NHSL3: variants seen among roughly 807,000 people sequenced by gnomAD.
NHSL3 encodes NHS-like protein 3.
chr1:32,769,748 CTG>C, the NHSL3 span: 2 of 1,613,656 alleles, frequency 1.2e-6, no homozygotes. Context: ...CGGCGGAGCA[CTG>C]TGCTGGGACT....
At chr1:32,758,040 G>A in the NHSL3 span, among the ~76,000 whole-genome samples, 8 of 152,294 alleles carry the variant, frequency 5.3e-5, no homozygotes, top group Admixed American at 1.3e-4. Flanking sequence ...TCAAGGAAGC[G>A]TTGATCCCGC....
chr1:32,768,105 C>T, the NHSL3 span: 1 of 1,604,142 alleles, frequency 6.2e-7, no homozygotes. Context: ...ATGGAGACAC[C>T]CAGAGTATCC....
chr1:32,765,720 T>C, the NHSL3 span: 1 of 1,544,936 alleles, frequency 6.5e-7, no homozygotes, highest in Non-Finnish European at 8.7e-7. Flanking sequence ...CGCGCTCTGC[T>C]CTGGAGAGGC....
the NHSL3 span, among the ~76,000 whole-genome samples, chr1:32,753,375 C>T: frequency 6.6e-6 from 1 of 151,800 alleles, no homozygotes; most frequent in Non-Finnish European, 1.5e-5. Context: ...GTCCCAGCTA[C>T]TCGGGAGGCT....
At chr1:32,771,843 G>A in the NHSL3 span, 2 of 1,606,242 alleles carry the variant, frequency 1.2e-6, no homozygotes, top group African/African-American at 1.3e-5. Context: ...AGATGGTGCG[G>A]CTGCGCTCCG....
At chr1:32,765,512 C>A in the NHSL3 span, 1 of 836,800 alleles carries the variant, frequency 1.2e-6, no homozygotes. Context: ...CACCCACGGA[C>A]TCCTGGCCTC....
At chr1:32,771,444 T>C in the NHSL3 span, 1 of 1,489,860 alleles carries the variant, frequency 6.7e-7, no homozygotes, top group Non-Finnish European at 9.0e-7. Context: ...AGGCACCATC[T>C]GCCTCAGAGA....
chr1:32,769,646 AG>A, the NHSL3 span: 1 of 1,564,228 alleles, frequency 6.4e-7, no homozygotes, highest in Non-Finnish European at 8.8e-7. Context: ...TTGCTCTAAC[AG>A]TTTTTCTCCC....
At chr1:32,742,132 G>GC in the NHSL3 span, 6 of 1,244,598 alleles carry the variant, frequency 4.8e-6, no homozygotes, top group South Asian at 6.6e-5. Flanking sequence ...CGAACCGGCC[G>GC]CCCCCCGGGC....
chr1:32,771,345 C>A, the NHSL3 span: 1 of 1,593,762 alleles, frequency 6.3e-7, no homozygotes. Flanking sequence ...AGTCTCCTGT[C>A]ATCTCCAAAG....
the NHSL3 span, chr1:32,772,858 C>A: frequency 2.5e-6 from 4 of 1,613,754 alleles, no homozygotes; most frequent in South Asian, 3.3e-5. Context: ...TTATTTTTCT[C>A]CCCCAGACTC....
the NHSL3 span, among the ~76,000 whole-genome samples, chr1:32,751,000 G>A: frequency 2.6e-5 from 4 of 151,508 alleles, no homozygotes; most frequent in Admixed American, 1.3e-4. Context: ...TAGTAGACAC[G>A]GGGTTTCACC....
chr1:32,771,921 G>T, the NHSL3 span: 1 of 1,596,654 alleles, frequency 6.3e-7, no homozygotes, highest in Non-Finnish European at 8.5e-7. Flanking sequence ...CACTGCGAAG[G>T]GCCCTGTCAG....
the NHSL3 span, chr1:32,769,780 G>A: frequency 1.2e-6 from 2 of 1,612,806 alleles, no homozygotes; most frequent in Non-Finnish European, 1.7e-6. Context: ...TGTGCAGAAG[G>A]AGCTTGGTGA....
the NHSL3 span, among the ~76,000 whole-genome samples, chr1:32,746,061 T>G: frequency 6.6e-6 from 1 of 151,254 alleles, no homozygotes; most frequent in Admixed American, 6.6e-5. Context: ...AAACCCTGTC[T>G]CTACTAAAAA....
At chr1:32,765,832 G>A in the NHSL3 span, 1 of 1,546,186 alleles carries the variant, frequency 6.5e-7, no homozygotes, top group South Asian at 1.2e-5. Flanking sequence ...AGAAGGGTGA[G>A]TGGGTGTGGC....
chr1:32,764,430 T>A, the NHSL3 span, among the ~76,000 whole-genome samples: 1 of 152,180 alleles, frequency 6.6e-6, no homozygotes, highest in African/African-American at 2.4e-5. Flanking sequence ...TTAACACATG[T>A]TTGCTGATCA....
chr1:32,754,464 C>G, the NHSL3 span, among the ~76,000 whole-genome samples: 1 of 125,974 alleles, frequency 7.9e-6, no homozygotes, highest in Non-Finnish European at 1.8e-5. Context: ...CACCCACACT[C>G]TCGTACCATC....
chr1:32,767,910 A>T, the NHSL3 span: 2 of 1,614,054 alleles, frequency 1.2e-6, no homozygotes, highest in South Asian at 2.2e-5. Context: ...CACCTGGAAG[A>T]GCTGCACACT....
Sources: allele counts gnomAD v4.1 joint callset (sites outside exome capture counted in the v4.1 genomes callset), GRCh38; gene constraint gnomAD v4.1.1; transcripts MANE v1.5; gene names NCBI Gene and HGNC (gene_info 2026-07-23, HGNC 2026-07-21).